Variants in CEP85L observed in about 807,000 individuals in gnomAD.
CEP85L encodes the protein centrosomal protein 85L.
Under a neutral mutation model 100.3 loss-of-function variants are expected in CEP85L, and 60 were observed. The observed-to-expected ratio is 0.60, with a 90% confidence interval of 0.49 to 0.74. The LOEUF (loss-of-function observed/expected upper bound fraction) is 0.74, where lower values mean the gene tolerates loss of function less well. CEP85L is among the 30% of genes least tolerant of loss of function. The pLI is 0.00. For missense variants in CEP85L, 973 were observed against 936.2 expected (o/e 1.04, Z -0.51); for synonymous variants, 319 against 322.7 (o/e 0.99, Z 0.12).
At chr6:118,640,957 A>T (rs1054352700) in intron 1 of CEP85L, among the ~76,000 whole-genome samples, 1 of 152,214 alleles carries the variant, frequency 6.6e-6, no homozygotes, top group African/African-American at 2.4e-5. Flanking sequence ...GGAGTGGAGG[A>T]CTGACATGAA....
intron 1 of CEP85L, among the ~76,000 whole-genome samples, chr6:118,698,008 A>ACCACTGGTC (rs1328859817): frequency 2.0e-5 from 3 of 152,148 alleles, no homozygotes; most frequent in Non-Finnish European, 4.4e-5. Flanking sequence ...ATTTTTGAGT[A>ACCACTGGTC]CCACTGGTCC....
chr6:118,624,098 T>A (rs1452484954), intron 2 of CEP85L, among the ~76,000 whole-genome samples: 1 of 152,172 alleles, frequency 6.6e-6, no homozygotes, highest in African/African-American at 2.4e-5. Flanking sequence ...TGTGACCCAC[T>A]TGAGGCCCTG....
chr6:118,532,534 T>G (rs1011572690), intron 3 of CEP85L, among the ~76,000 whole-genome samples: 1 of 152,142 alleles, frequency 6.6e-6, no homozygotes, highest in East Asian at 1.9e-4. Flanking sequence ...TAAAAAAGTT[T>G]GAGAGCAAAA....
chr6:118,694,425 A>AT (rs1377935113), intron 1 of CEP85L, among the ~76,000 whole-genome samples: 4 of 152,324 alleles, frequency 2.6e-5, no homozygotes, highest in Non-Finnish European at 5.9e-5. Flanking sequence ...TTTAAAATAC[A>AT]TTTTTCCAAT....
chr6:118,669,837 A>C (rs1352266399), intron 1 of CEP85L, among the ~76,000 whole-genome samples: 5 of 151,480 alleles, frequency 3.3e-5, no homozygotes, highest in Admixed American at 6.6e-5. Flanking sequence ...TTAGAGTTAC[A>C]ACCATTTGGT....
chr6:118,486,587 G>A (rs535876147), intron 6 of CEP85L, among the ~76,000 whole-genome samples: 2 of 152,188 alleles, frequency 1.3e-5, no homozygotes, highest in South Asian at 4.2e-4. Context: ...TTGTTGATTT[G>A]TTATCAAGGA....
intron 2 of CEP85L, among the ~76,000 whole-genome samples, chr6:118,587,267 C>A (rs1452761243): frequency 6.6e-6 from 1 of 152,198 alleles, no homozygotes; most frequent in East Asian, 1.9e-4. Flanking sequence ...GTGACTAACT[C>A]TTCCCAGGAG....
At chr6:118,585,299 C>T (rs1240324639) in intron 2 of CEP85L, among the ~76,000 whole-genome samples, 1 of 152,206 alleles carries the variant, frequency 6.6e-6, no homozygotes, top group African/African-American at 2.4e-5. Context: ...TTTCTTACCA[C>T]CGATGGATCT....
At chr6:118,570,431 A>G (rs1339065593) in intron 2 of CEP85L, among the ~76,000 whole-genome samples, 3 of 152,170 alleles carry the variant, frequency 2.0e-5, no homozygotes, top group African/African-American at 7.2e-5. Context: ...CTACTTTCCA[A>G]TCTGCCTTTA....
chr6:118,617,429 T>C (rs929697153), intron 2 of CEP85L, among the ~76,000 whole-genome samples: 1 of 152,192 alleles, frequency 6.6e-6, no homozygotes, highest in Non-Finnish European at 1.5e-5. Flanking sequence ...GTAAGTTCTA[T>C]AAGATCCTGC....
intron 3 of CEP85L, among the ~76,000 whole-genome samples, chr6:118,539,894 C>T (rs1316542035): frequency 6.6e-6 from 1 of 152,066 alleles, no homozygotes; most frequent in Non-Finnish European, 1.5e-5. Context: ...TTATGGGTCA[C>T]TAATGTTTTC....
At chr6:118,703,495 G>C (rs951339297) in intron 1 of CEP85L, among the ~76,000 whole-genome samples, 2 of 152,166 alleles carry the variant, frequency 1.3e-5, no homozygotes, top group Admixed American at 6.6e-5. Context: ...ATAGGCCACC[G>C]TGCCCCACCA....
chr6:118,483,631 T>G (rs1773956347), intron 7 of CEP85L, 75 bp downstream of exon 7: 1 of 1,420,894 alleles, frequency 7.0e-7, no homozygotes, highest in Non-Finnish European at 9.6e-7. Context: ...ATTTAACTTA[T>G]AGTTAGCCAA....
chr6:118,653,900 A>G (rs760969973), upstream of CEP85L, among the ~76,000 whole-genome samples: 1 of 152,198 alleles, frequency 6.6e-6, no homozygotes, highest in African/African-American at 2.4e-5. Flanking sequence ...ATACCAAACT[A>G]TATTAAACTA....
chr6:118,629,280 T>A (rs958000908), intron 2 of CEP85L, among the ~76,000 whole-genome samples: 1 of 152,194 alleles, frequency 6.6e-6, no homozygotes, highest in African/African-American at 2.4e-5. Context: ...GCAAAAGACA[T>A]GTTCGATAAA....
At position 118,517,677 on chromosome 6, in the gene CEP85L, C is replaced by G. The variant is rs144257631; in HGVS notation, c.1139+6125G>C. Among the ~76,000 whole-genome samples the G allele has an allele frequency of 6.2e-4, 95 of 152,354 alleles. 1 individual carries two copies. Among genetic ancestry groups the G allele is most frequent in the African/African-American group, 2.1e-3 (87 of 41,578 alleles). ...GTTTCTAAATATACAATCATGTCAT[C>G]TGCAAACAGAGACAATTTGACTTCC... On this transcript the variant is annotated intron_variant, in intron 4 of 12. Transcript: ENST00000368491.
chr6:118,661,799 T>G (rs954647990), intron 1 of CEP85L, among the ~76,000 whole-genome samples: 2 of 152,230 alleles, frequency 1.3e-5, no homozygotes, highest in Non-Finnish European at 2.9e-5. Flanking sequence ...AAGACAATTG[T>G]AAGTCGGAGA....
At chr6:118,527,041 G>GTC (rs2114804737) in intron 3 of CEP85L, among the ~76,000 whole-genome samples, 2 of 119,332 alleles carry the variant, frequency 1.7e-5, no homozygotes, top group South Asian at 5.3e-4. Context: ...TTGAGACGCA[G>GTC]TCTCACTCTT....
intron 2 of CEP85L, among the ~76,000 whole-genome samples, chr6:118,623,730 T>C (rs1005321130): frequency 1.9e-4 from 29 of 152,194 alleles, no homozygotes; most frequent in African/African-American, 6.8e-4. Context: ...TTCTCACAAA[T>C]GACCTCCTGC....
Sources: gnomAD v4.1 joint callset for allele counts (sites outside exome capture counted in the v4.1 genomes callset) on GRCh38, gnomAD v4.1.1 for gene constraint, MANE v1.5 for transcripts, NCBI Gene and HGNC (gene_info 2026-07-23, HGNC 2026-07-21) for gene names.